PCDHA2: variants seen among roughly 807,000 people sequenced by gnomAD.
PCDHA2 encodes protocadherin alpha-2.
A neutral mutation model predicts 66.0 loss-of-function variants in PCDHA2; 58 were observed. That is an observed-to-expected ratio of 0.88 (90% CI 0.71 to 1.09). The LOEUF is 1.09. Among genes scored for constraint, PCDHA2 ranks in the 50% least tolerant of loss-of-function variants. The pLI is 0.00. For missense variants in PCDHA2, 1,267 were observed against 1,242.3 expected (o/e 1.02, Z -0.30); for synonymous variants, 634 against 554.0 (o/e 1.14, Z -2.03).
At chr5:140,885,462 G>T (rs890056404) in intron 1 of PCDHA2, among the ~76,000 whole-genome samples, 3 of 152,070 alleles carry the variant, frequency 2.0e-5, no homozygotes, top group African/African-American at 7.2e-5. Context: ...ACCTAATGAT[G>T]GGCAATCACT....
chr5:141,010,321 G>C lies in PCDHA2; in HGVS notation c.*384G>C. On this transcript the variant is annotated 3_prime_UTR_variant, in exon 4 of 4. Transcript: ENST00000526136. Reference sequence around the variant, plus strand: ...GGCTGAAAAGTTTTGAGATTGAGCAGCTTGGGAGTTTGTGGCCACTGGGTA... The same window carrying C: ...GGCTGAAAAGTTTTGAGATTGAGCACCTTGGGAGTTTGTGGCCACTGGGTA... 7 of 1,541,244 alleles carry C rather than the reference G, an allele frequency of 4.5e-6. No homozygotes were observed. In the South Asian group the frequency reaches 8.5e-5, roughly 19 times the overall value.
intron 1 of PCDHA2, among the ~76,000 whole-genome samples, chr5:140,903,855 AAT>A (rs2070667296): frequency 6.6e-6 from 1 of 152,186 alleles, no homozygotes; most frequent in Non-Finnish European, 1.5e-5. Context: ...CTTAACAAAT[AAT>A]ATAGAGTAAA....
At chr5:140,928,998 C>T (rs1448389331) in intron 1 of PCDHA2, 5 of 1,613,784 alleles carry the variant, frequency 3.1e-6, no homozygotes, top group Non-Finnish European at 4.2e-6. Flanking sequence ...TACTTTTCTT[C>T]GTGTGTACCA....
At chr5:140,850,549 G>A in intron 1 of PCDHA2, 2 of 1,598,360 alleles carry the variant, frequency 1.3e-6, no homozygotes, top group Non-Finnish European at 1.7e-6. Flanking sequence ...GCGTCAGTGG[G>A]TGCCACGGGC....
chr5:140,841,669 T>A, intron 1 of PCDHA2: 1 of 1,614,020 alleles, frequency 6.2e-7, no homozygotes, highest in East Asian at 2.2e-5. Flanking sequence ...CGCTGCAGGT[T>A]TTCCATGTGG....
intron 1 of PCDHA2, chr5:140,850,281 G>A: frequency 6.3e-7 from 1 of 1,595,580 alleles, no homozygotes. Context: ...GAAGGTGCGC[G>A]CAGTGGACGC....
At chr5:140,832,439 G>A (rs1771989250) in intron 1 of PCDHA2, among the ~76,000 whole-genome samples, 1 of 152,132 alleles carries the variant, frequency 6.6e-6, no homozygotes, top group Admixed American at 6.6e-5. Context: ...TAATTTTTAA[G>A]CGTGTAATTA....
chr5:140,861,903 A>G (rs115177043), intron 1 of PCDHA2: 3,607 of 155,014 alleles, frequency 0.023, 51 homozygotes, highest in Middle Eastern at 0.034. Flanking sequence ...AAAGCATTAT[A>G]TATCACAGCG....
rs1276562311 is a variant in PCDHA2, at chr5:140,851,314, C to T, written c.2388+53962C>T. ...AGCAAAAATATATAGCAATTGTTAC[C>T]TTGTTAAGTTTGTAGTTCTCTACAT... On this transcript the variant is annotated intron_variant, in intron 1 of 3. Transcript: ENST00000526136. The T allele has an allele frequency of 2.6e-5, 26 of 997,988 alleles. 4 individuals carry two copies. Among genetic ancestry groups the T allele is most frequent in the Non-Finnish European group, 2.6e-5 (21 of 813,766 alleles). The allele number at this position is 997,988 out of a possible 1,614,324, so 61.8% of individuals were successfully genotyped here.
At chr5:140,954,618 G>C (rs1312581802) in intron 1 of PCDHA2, among the ~76,000 whole-genome samples, 3 of 152,078 alleles carry the variant, frequency 2.0e-5, no homozygotes, top group Non-Finnish European at 2.9e-5. Flanking sequence ...TAATGGGCTT[G>C]TTTGGGTTTT....
At chr5:140,800,499 C>T (rs1199264342) in intron 1 of PCDHA2, among the ~76,000 whole-genome samples, 2 of 152,164 alleles carry the variant, frequency 1.3e-5, no homozygotes, top group South Asian at 2.1e-4. Context: ...CTTTTAAATA[C>T]TTCAACATCT....
chr5:140,941,199 C>CTCCCT (rs2092799099), intron 1 of PCDHA2, among the ~76,000 whole-genome samples: 1 of 115,882 alleles, frequency 8.6e-6, no homozygotes, highest in South Asian at 2.6e-4. Flanking sequence ...TTTTTTCTTT[C>CTCCCT]TTCCTTTCTT....
intron 1 of PCDHA2, among the ~76,000 whole-genome samples, chr5:140,894,100 G>C (rs1554185932): frequency 2.0e-5 from 3 of 151,990 alleles, no homozygotes; most frequent in African/African-American, 7.3e-5. Context: ...CTAGCTCCTG[G>C]TGTTGCAGAT....
chr5:140,874,093 TG>T, intron 1 of PCDHA2, among the ~76,000 whole-genome samples: 2 of 152,364 alleles, frequency 1.3e-5, no homozygotes, highest in Middle Eastern at 6.8e-3. Context: ...AATTCAAATA[TG>T]TTTTTAATTA....
At chr5:140,952,962 C>T (rs246032) in intron 1 of PCDHA2, among the ~76,000 whole-genome samples, 1 of 151,598 alleles carries the variant, frequency 6.6e-6, no homozygotes, top group Non-Finnish European at 1.5e-5. Context: ...GGAAGTGATA[C>T]ACACTTTTAA....
intron 1 of PCDHA2, chr5:140,926,797 T>G: frequency 2.1e-6 from 3 of 1,450,476 alleles, no homozygotes; most frequent in Non-Finnish European, 1.8e-6. Flanking sequence ...AGGAGCGTGC[T>G]CTTCCCCGCG....
intron 1 of PCDHA2, among the ~76,000 whole-genome samples, chr5:140,846,373 C>CTTTTTTTTT (rs374699051): frequency 1.6e-4 from 9 of 55,150 alleles, no homozygotes; most frequent in Non-Finnish European, 2.9e-4. Context: ...TTCTTTCTTT[C>CTTTTTTTTT]TTTTTTTTTT....
chr5:140,906,893 GT>G (rs1191460812), intron 1 of PCDHA2, among the ~76,000 whole-genome samples: 7 of 152,170 alleles, frequency 4.6e-5, no homozygotes, highest in Admixed American at 6.5e-5. Context: ...TTCTTAGATT[GT>G]TGGTTTAAAG....
At chr5:140,874,680 T>C (rs1018074001) in intron 1 of PCDHA2, among the ~76,000 whole-genome samples, 1 of 152,258 alleles carries the variant, frequency 6.6e-6, no homozygotes, top group Non-Finnish European at 1.5e-5. Flanking sequence ...TCCTGAGATT[T>C]GTTTTAACAT....
Sources: gnomAD v4.1 joint callset for allele counts (sites outside exome capture counted in the v4.1 genomes callset) on GRCh38, gnomAD v4.1.1 for gene constraint, MANE v1.5 for transcripts, NCBI Gene and HGNC (gene_info 2026-07-23, HGNC 2026-07-21) for gene names.